Variants in SPHKAP observed in about 807,000 individuals in gnomAD.
SPHKAP encodes A-kinase anchor protein SPHKAP.
SPHKAP carries 67 observed loss-of-function variants against 137.5 expected under a neutral mutation model. The ratio of observed to expected loss-of-function variants is 0.49; its 90% confidence interval spans 0.40 to 0.60. The LOEUF (loss-of-function observed/expected upper bound fraction) is 0.60, where lower values mean the gene tolerates loss of function less well. Ranked by LOEUF, SPHKAP falls within the 20% of genes least tolerant of loss-of-function variation. SPHKAP has a pLI of 0.00. For missense variants in SPHKAP, 2,097 were observed against 2,069.3 expected (o/e 1.01, Z -0.26); for synonymous variants, 813 against 785.3 (o/e 1.04, Z -0.59).
At chr2:228,169,298 T>C (rs1008056628) in intron 1 of SPHKAP, among the ~76,000 whole-genome samples, 8 of 152,148 alleles carry the variant, frequency 5.3e-5, no homozygotes, top group African/African-American at 1.9e-4. Context: ...TCTAGGACTT[T>C]CATAGCTAGA....
intron 1 of SPHKAP, among the ~76,000 whole-genome samples, chr2:228,150,493 TTTAG>T (rs1412039558): frequency 6.6e-6 from 1 of 152,186 alleles, no homozygotes; most frequent in African/African-American, 2.4e-5. Context: ...CTTGAGTTAC[TTTAG>T]TAAGTTATAT....
Position 227,997,246 on chromosome 2 carries a change from T to C in SPHKAP, c.4449-1552A>G, listed in dbSNP as rs1337553868. ...CTAATCACTATTTAACAAACAAAAC[T>C]ATCTACTGTTTTTCAAAACTGCAGG... On this transcript the variant is annotated intron_variant, in intron 7 of 11. Coordinates refer to ENST00000392056, the MANE Select transcript of SPHKAP (RefSeq NM_001142644.2). Among the ~76,000 whole-genome samples the C allele has an allele frequency of 2.6e-5, 4 of 152,288 alleles. No homozygotes were observed. In the East Asian group the frequency reaches 7.7e-4, roughly 29 times the overall value.
intron 1 of SPHKAP, among the ~76,000 whole-genome samples, chr2:228,149,174 G>A (rs951085682): frequency 5.9e-5 from 9 of 152,110 alleles, no homozygotes; most frequent in Non-Finnish European, 8.8e-5. Flanking sequence ...CATAATTTAT[G>A]AACATTTATT....
intron 2 of SPHKAP, among the ~76,000 whole-genome samples, chr2:228,127,012 C>T (rs1372464440): frequency 6.6e-6 from 1 of 152,114 alleles, no homozygotes; most frequent in Non-Finnish European, 1.5e-5. Flanking sequence ...AGCAATATGT[C>T]AGTTCTAATA....
chr2:228,175,825 GA>G (rs889176171), intron 1 of SPHKAP, among the ~76,000 whole-genome samples: 9 of 151,622 alleles, frequency 5.9e-5, no homozygotes, highest in Non-Finnish European at 1.0e-4. Flanking sequence ...TAAAAAGATA[GA>G]AAAAAAATAA....
Position 228,020,102 on chromosome 2 carries a change from C to A in SPHKAP, c.752G>T (p.Gly251Val). The change falls in exon 7 of 12, where the codon GGA becomes GTA. Residue 251 changes from glycine to valine, a missense_variant. Coordinates refer to ENST00000392056, the MANE Select transcript of SPHKAP (RefSeq NM_001142644.2). ...GCAATTCCATTCCACCTGGGTGGCTCCCTTTAGCTGTTTACTTTCCAAAAC... is the reference window on the plus strand; with the variant it reads ...GCAATTCCATTCCACCTGGGTGGCTACCTTTAGCTGTTTACTTTCCAAAAC... ...ANVLESKQLK[G>V]ATQVEWNCNK... The A allele has an allele frequency of 6.2e-7, 1 of 1,613,604 alleles. No homozygotes were observed. The highest frequency in any genetic ancestry group is 1.7e-5 in the Admixed American group (1 of 59,936).
chr2:227,991,538 C>T, intron 9 of SPHKAP: 9 of 985,436 alleles, frequency 9.1e-6, no homozygotes, highest in Non-Finnish European at 9.6e-6. Context: ...CCAACAACAA[C>T]AACAGGCCAG....
At chr2:227,996,416 T>C (rs1037873143) in intron 7 of SPHKAP, among the ~76,000 whole-genome samples, 2 of 152,172 alleles carry the variant, frequency 1.3e-5, no homozygotes, top group African/African-American at 4.8e-5. Flanking sequence ...CCTGTGAATT[T>C]CTGTCTCTCT....
intron 3 of SPHKAP, among the ~76,000 whole-genome samples, chr2:228,050,962 C>T (rs1290731075): frequency 6.6e-6 from 1 of 152,024 alleles, no homozygotes; most frequent in Non-Finnish European, 1.5e-5. Context: ...GCCACCAACA[C>T]ACCAGGCTAA....
chr2:228,014,739 G>T (rs566860583), intron 7 of SPHKAP, among the ~76,000 whole-genome samples: 76 of 152,266 alleles, frequency 5.0e-4, no homozygotes, highest in African/African-American at 1.8e-3. Flanking sequence ...AAGTGGAAAA[G>T]TATCAAGAAT....
chr2:228,017,781 A>G lies in SPHKAP; in HGVS notation c.3073T>C (p.Ser1025Pro). ...TCTGGGACATCTTCAAGGTTCATGG[A>G]CTCATCCACAACCCTGTTCATCAGC... Reference protein sequence around the residue: ...EKLMNRVVDESMNLEDVPDSV... With the variant: ...EKLMNRVVDEPMNLEDVPDSV... The change falls in exon 7 of 12, where the codon TCC becomes CCC. Residue 1025 changes from serine to proline, a missense_variant. Transcript: ENST00000392056. 10 of 1,613,908 alleles carry G rather than the reference A, an allele frequency of 6.2e-6. No individual in the cohort carries two copies. The highest frequency in any genetic ancestry group is 8.5e-6 in the Non-Finnish European group (10 of 1,179,988).
intron 7 of SPHKAP, among the ~76,000 whole-genome samples, chr2:228,005,004 G>T (rs1694070345): frequency 1.3e-5 from 2 of 152,236 alleles, no homozygotes; most frequent in Non-Finnish European, 2.9e-5. Context: ...TAGATGCGGT[G>T]TGGTTCTGAG....
chr2:228,136,274 C>T (rs999684376), intron 1 of SPHKAP, among the ~76,000 whole-genome samples: 2 of 152,166 alleles, frequency 1.3e-5, no homozygotes, highest in African/African-American at 4.8e-5. Context: ...TTAAGCACAA[C>T]CTTTCAAACT....
intron 7 of SPHKAP, among the ~76,000 whole-genome samples, chr2:227,998,275 G>A (rs1693710888): frequency 6.6e-6 from 1 of 152,166 alleles, no homozygotes; most frequent in South Asian, 2.1e-4. Context: ...TGGGATTACA[G>A]GCATGAGCCA....
intron 7 of SPHKAP, among the ~76,000 whole-genome samples, chr2:227,998,368 A>C (rs1012832627): frequency 1.3e-5 from 2 of 152,220 alleles, no homozygotes; most frequent in Non-Finnish European, 2.9e-5. Context: ...TCTGATGTAC[A>C]GAAATGTAAA....
At chr2:228,132,699 T>A (rs865842328) in intron 1 of SPHKAP, 3 of 155,750 alleles carry the variant, frequency 1.9e-5, no homozygotes, top group Admixed American at 1.3e-4. Flanking sequence ...ATAAATATTT[T>A]AAAAATATTT....
intron 3 of SPHKAP, among the ~76,000 whole-genome samples, chr2:228,049,696 T>C (rs779786629): frequency 3.9e-5 from 6 of 152,216 alleles, no homozygotes; most frequent in Non-Finnish European, 8.8e-5. Context: ...CCATTTTTTA[T>C]GTCCATATGT....
intron 3 of SPHKAP, among the ~76,000 whole-genome samples, chr2:228,080,864 G>A (rs897375743): frequency 6.6e-6 from 1 of 152,180 alleles, no homozygotes; most frequent in African/African-American, 2.4e-5. Context: ...AAGTGTTGGA[G>A]AGGATGTGGA....
rs1219960008 is a variant in SPHKAP at position 228,015,854 on chromosome 2, GGA to G, written c.4448+550_4448+551del. Among the ~76,000 whole-genome samples the G allele has an allele frequency of 5.9e-5, 9 of 151,900 alleles. No individual in the cohort carries two copies. The South Asian group carries it at 8.3e-4, about 14-fold the overall frequency. ...GACTCTATGGAGAAGAAAAATGAGAGGAGAGAAAAATGATGCCAAAATATTTA... is the reference window on the plus strand; with the variant it reads ...GACTCTATGGAGAAGAAAAATGAGAGGAGAAAAATGATGCCAAAATATTTA... On this transcript the variant is annotated intron_variant, in intron 7 of 11. Transcript: ENST00000392056.
Sources: allele counts gnomAD v4.1 joint callset (sites outside exome capture counted in the v4.1 genomes callset), GRCh38; gene constraint gnomAD v4.1.1; transcripts MANE v1.5; gene names NCBI Gene and HGNC (gene_info 2026-07-23, HGNC 2026-07-21).